Variants in RAP1GAP2 observed in about 807,000 individuals in gnomAD.
The protein encoded by RAP1GAP2 is RAP1 GTPase activating protein 2, also known as rap1 GTPase-activating protein 2.
In RAP1GAP2, 27 loss-of-function variants were observed where a neutral mutation model predicts 95.0. The observed-to-expected ratio is 0.28, with a 90% CI of 0.21 to 0.39. The LOEUF is 0.39. Ranked by LOEUF, RAP1GAP2 falls within the 10% of genes least tolerant of loss-of-function variation. The probability of loss-of-function intolerance (pLI) is 1.00; values close to 1 mark genes in which losing one functional copy is unlikely to be tolerated. For missense variants in RAP1GAP2, 771 were observed against 970.0 expected (o/e 0.79, Z 2.72); for synonymous variants, 373 against 380.9 (o/e 0.98, Z 0.24).
chr17:2,992,201 G>C (rs2045785137), intron 12 of RAP1GAP2, among the ~76,000 whole-genome samples: 1 of 127,358 alleles, frequency 7.9e-6, no homozygotes, highest in Admixed American at 8.5e-5. Context: ...CATGCGCTTT[G>C]CCAGGCTGGA....
intron 3 of RAP1GAP2, among the ~76,000 whole-genome samples, chr17:2,911,309 G>A (rs1441673772): frequency 6.9e-6 from 1 of 144,832 alleles, no homozygotes; most frequent in African/African-American, 2.7e-5. Context: ...CCAAAGAGAT[G>A]CTGACCAGAT....
chr17:2,932,613 C>T (rs1352225401), intron 3 of RAP1GAP2, among the ~76,000 whole-genome samples: 2 of 141,994 alleles, frequency 1.4e-5, no homozygotes, highest in South Asian at 4.5e-4. Context: ...AAGAGGAGCT[C>T]GAGACCAGCC....
chr17:2,815,456 A>ATAT (rs10675930), intron 2 of RAP1GAP2, among the ~76,000 whole-genome samples: 33,256 of 139,762 alleles, frequency 0.24, 4,211 homozygotes, highest in Non-Finnish European at 0.28. Flanking sequence ...AACATCTCTG[A>ATAT]TATTATTATT....
chr17:2,792,374 C>T (rs1282763673), upstream of RAP1GAP2, among the ~76,000 whole-genome samples: 5 of 152,176 alleles, frequency 3.3e-5, no homozygotes, highest in Non-Finnish European at 5.9e-5. Flanking sequence ...CTGATAAACT[C>T]GTGAAGGTGG....
intron 14 of RAP1GAP2, among the ~76,000 whole-genome samples, chr17:2,999,035 A>C (rs1240425157): frequency 6.6e-6 from 1 of 152,106 alleles, no homozygotes; most frequent in Non-Finnish European, 1.5e-5. Flanking sequence ...CAAATGATGG[A>C]TCTTAATTTA....
chr17:2,781,872 GCACGTCTCTGTGTGT>G (rs2068667726), intron 1 of RAP1GAP2, among the ~76,000 whole-genome samples: 1 of 151,566 alleles, frequency 6.6e-6, no homozygotes, highest in East Asian at 1.9e-4. Context: ...CTCTGTGTGT[GCACGTCTCTGTGTGT>G]GCACGTCTCT....
intron 2 of RAP1GAP2, among the ~76,000 whole-genome samples, chr17:2,897,167 T>A (rs2041860930): frequency 6.6e-6 from 1 of 151,924 alleles, no homozygotes; most frequent in South Asian, 2.1e-4. Flanking sequence ...TGAAACCCTG[T>A]CTCTAATAAA....
chr17:2,784,992 G>C (rs148051372), intron 1 of RAP1GAP2, among the ~76,000 whole-genome samples: 1 of 152,316 alleles, frequency 6.6e-6, no homozygotes, highest in East Asian at 1.9e-4. Context: ...TGTCCCTGCC[G>C]CCTGCTTCCA....
chr17:2,947,432 C>G (rs1347859817), intron 3 of RAP1GAP2, among the ~76,000 whole-genome samples: 1 of 152,120 alleles, frequency 6.6e-6, no homozygotes, highest in Non-Finnish European at 1.5e-5. Flanking sequence ...AGCCCTGACT[C>G]TAGCCATCCC....
chr17:2,795,495 A>G (rs2069048552), upstream of RAP1GAP2, among the ~76,000 whole-genome samples: 1 of 152,166 alleles, frequency 6.6e-6, no homozygotes, highest in African/African-American at 2.4e-5. Flanking sequence ...TTCAGCTGGG[A>G]AGACAAATCC....
chr17:3,018,592 G>T (rs1397166690), intron 18 of RAP1GAP2, among the ~76,000 whole-genome samples: 1 of 152,132 alleles, frequency 6.6e-6, no homozygotes, highest in East Asian at 1.9e-4. Flanking sequence ...GGCAGCAGTA[G>T]CCACCCCAGC....
chr17:2,894,338 G>A lies in RAP1GAP2; in HGVS notation c.81-10946G>A, dbSNP rs545058435. Among the ~76,000 whole-genome samples the A allele has an allele frequency of 4.9e-4, 74 of 152,338 alleles. 1 individual carries two copies. The highest frequency in any genetic ancestry group is 9.8e-4 in the Non-Finnish European group (67 of 68,030). ...CCAGCTACTTGGGAGGCTGAGACAG[G>A]AGAATCGCTTGAACCCAGGAGGCGG... On this transcript the variant is annotated intron_variant, in intron 2 of 24. Coordinates refer to ENST00000254695, the MANE Select transcript of RAP1GAP2 (RefSeq NM_015085.5).
At chr17:2,786,273 T>C (rs2151456012) in intron 1 of RAP1GAP2, among the ~76,000 whole-genome samples, 1 of 152,388 alleles carries the variant, frequency 6.6e-6, no homozygotes, top group South Asian at 2.1e-4. Context: ...CTACATTTAA[T>C]GTCAGGACTG....
intron 10 of RAP1GAP2, 30 bp downstream of exon 10, chr17:2,981,278 GC>G (rs1169622613): frequency 6.3e-7 from 1 of 1,583,582 alleles, no homozygotes; most frequent in Non-Finnish European, 8.6e-7. Context: ...CAACATAGGG[GC>G]CCTGCAGCTT....
Position 2,963,779 on chromosome 17 carries a change from G to A in RAP1GAP2, c.280-77G>A, listed in dbSNP as rs56215214. 148,385 of 1,297,426 alleles carry A rather than the reference G, an allele frequency of 0.11. 9,172 individuals are homozygous for A. Among genetic ancestry groups the A allele is most frequent in the African/African-American group, 0.18 (12,494 of 67,650 alleles). 80.4% of individuals were successfully genotyped at this position (1,297,426 alleles called of 1,614,324 possible). A position where few individuals can be genotyped will look rare whatever the true frequency, so the allele number is the denominator to read the frequency against. On this transcript the variant is annotated intron_variant, in intron 6 of 24. Transcript: ENST00000254695. This position sits in a 1 kb window ranked among gnomAD's most constrained non-coding sequence, Gnocchi z 4.8. ...ACCAGGCCCCACTCCTGGGAGCAGC[G>A]CAGAGGGGACACCGCCACCGGCCCC...
rs920103970 is a variant in RAP1GAP2 at position 2,867,235 on chromosome 17, T to C, written c.81-38049T>C. On this transcript the variant is annotated intron_variant, in intron 2 of 24. Transcript: ENST00000254695. The surrounding 1 kb of genome is among the most constrained non-coding windows in gnomAD (Gnocchi z 4.5). ...CATTTAGCTGATTTAGTCAAGAAAC[T>C]TTTGGTTTGAAGTGGCAAGCCCCAA... Among the ~76,000 whole-genome samples, 4 of 152,158 alleles carry C rather than the reference T, an allele frequency of 2.6e-5. No individual in the cohort carries two copies. The highest frequency in any genetic ancestry group is 5.9e-5 in the Non-Finnish European group (4 of 68,026).
At chr17:2,976,900 T>G (rs899341845) in intron 8 of RAP1GAP2, among the ~76,000 whole-genome samples, 16 of 151,742 alleles carry the variant, frequency 1.1e-4, no homozygotes, top group Admixed American at 6.6e-4. Flanking sequence ...TTTGGGAGGC[T>G]GAGGCGGGTG....
chr17:2,909,835 A>C (rs778087462), intron 3 of RAP1GAP2, among the ~76,000 whole-genome samples: 1 of 152,138 alleles, frequency 6.6e-6, no homozygotes, highest in Non-Finnish European at 1.5e-5. Flanking sequence ...CTGGGGACTC[A>C]GACTGGGTGG....
At chr17:2,884,075 T>A (rs1299565317) in intron 2 of RAP1GAP2, among the ~76,000 whole-genome samples, 1 of 152,214 alleles carries the variant, frequency 6.6e-6, no homozygotes, top group Non-Finnish European at 1.5e-5. Context: ...AATCTCTTGT[T>A]CAGCACTGTT....
Sources: gnomAD v4.1 joint callset for allele counts (sites outside exome capture counted in the v4.1 genomes callset) on GRCh38, gnomAD v4.1.1 for gene constraint, Gnocchi (gnomAD v3.1) non-coding constraint, MANE v1.5 for transcripts, NCBI Gene and HGNC (gene_info 2026-07-23, HGNC 2026-07-21) for gene names.